The following EFCAB8 variants were observed in gnomAD, a reference collection of about 807,000 sequenced individuals.
EFCAB8 encodes the protein EF-hand calcium binding domain 8.
In EFCAB8, 100 loss-of-function variants were observed where a neutral mutation model predicts 116.3. The ratio of observed to expected loss-of-function variants is 0.86; its 90% CI spans 0.73 to 1.02. The LOEUF (loss-of-function observed/expected upper bound fraction) is 1.02, where lower values mean the gene tolerates loss of function less well. Ranked by LOEUF, EFCAB8 falls within the 50% of genes least tolerant of loss-of-function variation. The pLI is 0.00. For missense variants in EFCAB8, 1,320 were observed against 1,416.9 expected (o/e 0.93, Z 1.10); for synonymous variants, 558 against 567.9 (o/e 0.98, Z 0.25).
intron 11 of EFCAB8, among the ~76,000 whole-genome samples, chr20:32,899,922 A>G (rs573016880): frequency 2.6e-5 from 4 of 152,132 alleles, no homozygotes; most frequent in African/African-American, 7.2e-5. Flanking sequence ...TTTACTGTGG[A>G]TAAACTGGTA....
At chr20:32,863,733 G>A (rs947463630) in intron 1 of EFCAB8, 50 bp from the exon 2 acceptor site, 8 of 1,532,444 alleles carry the variant, frequency 5.2e-6, no homozygotes, top group East Asian at 2.5e-5. Context: ...AGCCTTCCAC[G>A]TGGTCCTTAC....
At chr20:32,871,935 T>A (rs1296338683) in intron 3 of EFCAB8, among the ~76,000 whole-genome samples, 1 of 152,148 alleles carries the variant, frequency 6.6e-6, no homozygotes, top group Non-Finnish European at 1.5e-5. Flanking sequence ...GCAGTTTGAC[T>A]CCCAGCTCTG....
chr20:32,929,083 A>G (rs192372183), intron 20 of EFCAB8, among the ~76,000 whole-genome samples: 32 of 151,936 alleles, frequency 2.1e-4, no homozygotes, highest in Admixed American at 1.7e-3. Context: ...GCAGTTTGCT[A>G]ATTTTTTTGA....
At chr20:32,947,903 TAA>T (rs377234035) in intron 23 of EFCAB8, among the ~76,000 whole-genome samples, 18 of 100,764 alleles carry the variant, frequency 1.8e-4, no homozygotes, top group African/African-American at 3.2e-4. Context: ...CCATCTCAAT[TAA>T]AAAAAAAAAA....
rs1273595618 is a variant in EFCAB8 at position 32,909,849 on chromosome 20, C to T, written c.1475C>T (p.Ala492Val). The T allele has an allele frequency of 1.6e-6, 2 of 1,249,766 alleles. No homozygotes were observed. Among genetic ancestry groups the T allele is most frequent in the African/African-American group, 3.1e-5 (2 of 64,476 alleles). 77.4% of individuals were successfully genotyped at this position (1,249,766 alleles called of 1,614,324 possible). ...SIGILKGYLE[A>V]QGLIKARKRT... ...GGGATCCTAAAAGGGTACTTAGAGGCCCAGGGGCTTATCAAAGCAAGGAAG... is the reference window on the plus strand; with the variant it reads ...GGGATCCTAAAAGGGTACTTAGAGGTCCAGGGGCTTATCAAAGCAAGGAAG... The change falls in exon 15 of 27, where the codon GCC becomes GTC. Residue 492 changes from alanine (A) to valine (V), a missense_variant. Coordinates refer to ENST00000400522, the MANE Select transcript of EFCAB8 (RefSeq NM_001143967.2).
intron 16 of EFCAB8, 137 bp from the exon 17 acceptor site, chr20:32,912,657 A>G (rs1170252411): frequency 1.5e-6 from 1 of 682,052 alleles, no homozygotes; most frequent in South Asian, 1.6e-5. Context: ...TGACAAATAC[A>G]TGGTGGTATC....
intron 11 of EFCAB8, among the ~76,000 whole-genome samples, chr20:32,901,737 G>A (rs1986438853): frequency 6.6e-6 from 1 of 152,266 alleles, no homozygotes; most frequent in South Asian, 2.1e-4. Context: ...GCCCAGGCTG[G>A]AGTGCGGTGG....
chr20:32,917,623 C>T lies in EFCAB8; in HGVS notation c.2061+118C>T, dbSNP rs1796842594. Reference sequence around the variant, plus strand: ...GCAGGAGGGATGATGGCGACTTGTTCTGGATGGGGTGGGGAGCTTGGTTAG... The same window carrying T: ...GCAGGAGGGATGATGGCGACTTGTTTTGGATGGGGTGGGGAGCTTGGTTAG... On this transcript the variant is annotated intron_variant, in intron 18 of 26. Coordinates refer to ENST00000400522, the MANE Select transcript of EFCAB8 (RefSeq NM_001143967.2). The T allele has an allele frequency of 3.4e-6, 4 of 1,183,536 alleles. No individual in the cohort carries two copies. In the Admixed American group the frequency reaches 9.1e-5, roughly 27 times the overall value. The allele number at this position is 1,183,536 out of a possible 1,614,324, so 73.3% of individuals were successfully genotyped here.
intron 1 of EFCAB8, among the ~76,000 whole-genome samples, chr20:32,861,884 A>T (rs1984132564): frequency 6.6e-6 from 1 of 152,056 alleles, no homozygotes. Context: ...TGCATGTGCC[A>T]ATATGCACAT....
At chr20:32,926,994 A>G (rs1023286815) in intron 20 of EFCAB8, among the ~76,000 whole-genome samples, 7 of 152,066 alleles carry the variant, frequency 4.6e-5, no homozygotes, top group Non-Finnish European at 1.0e-4. Flanking sequence ...TCTTTATAGC[A>G]GCATGATTTA....
intron 23 of EFCAB8, among the ~76,000 whole-genome samples, chr20:32,947,366 T>A (rs919791956): frequency 1.3e-5 from 2 of 152,240 alleles, no homozygotes; most frequent in African/African-American, 2.4e-5. Flanking sequence ...ACAATTTTAC[T>A]TAATTAACAT....
chr20:32,920,932 C>G (rs1351440279), intron 20 of EFCAB8, among the ~76,000 whole-genome samples: 1 of 152,132 alleles, frequency 6.6e-6, no homozygotes, highest in African/African-American at 2.4e-5. Context: ...TTATACCGAA[C>G]ACGAGTTGGG....
intron 1 of EFCAB8, among the ~76,000 whole-genome samples, chr20:32,860,322 A>C (rs563798460): frequency 9.2e-5 from 14 of 151,746 alleles, no homozygotes; most frequent in Admixed American, 5.9e-4. Flanking sequence ...GCAAAAAAAA[A>C]CCCAGTTATT....
At chr20:32,930,302 G>A in intron 20 of EFCAB8, 96 bp from the exon 21 acceptor site, 1 of 1,029,512 alleles carries the variant, frequency 9.7e-7, no homozygotes, top group Non-Finnish European at 1.4e-6. Context: ...TAGGAAACTG[G>A]GGGACCAGGT....
At chr20:32,901,421 A>G (rs1986419413) in intron 11 of EFCAB8, among the ~76,000 whole-genome samples, 1 of 152,266 alleles carries the variant, frequency 6.6e-6, no homozygotes, top group African/African-American at 2.4e-5. Flanking sequence ...TATGAGGCCC[A>G]TGGGCTGTGA....
At chr20:32,891,959 G>C (rs981391310) in intron 7 of EFCAB8, among the ~76,000 whole-genome samples, 11 of 152,074 alleles carry the variant, frequency 7.2e-5, no homozygotes, top group Non-Finnish European at 1.2e-4. Context: ...CTCCCTAAGT[G>C]CTGGGATCAT....
intron 22 of EFCAB8, among the ~76,000 whole-genome samples, chr20:32,938,485 T>C (rs1170937855): frequency 6.7e-6 from 1 of 149,834 alleles, no homozygotes; most frequent in African/African-American, 2.5e-5. Flanking sequence ...GTATCTATAT[T>C]GGGGAGGAAG....
In EFCAB8 at chr20:32,958,497, G is replaced by T. The variant is rs1420206070; in HGVS notation, c.3036G>T (p.Glu1012Asp). The T allele has an allele frequency of 4.8e-6, 2 of 416,792 alleles. No individual in the cohort carries two copies. The highest frequency in any genetic ancestry group is 4.1e-5 in the African/African-American group (2 of 48,714). 25.8% of individuals were successfully genotyped at this position (416,792 alleles called of 1,614,324 possible). ...DGPRENRASL[E>D]EDGDSTGTTQ... Reference sequence around the variant, plus strand: ...CTCGTGAAAACAGAGCAAGCTTAGAGGAAGATGGTGACTCCACTGGCACCA... The same window carrying T: ...CTCGTGAAAACAGAGCAAGCTTAGATGAAGATGGTGACTCCACTGGCACCA... The change falls in exon 24 of 27, where the codon GAG (glutamate) becomes GAT (aspartate). Residue 1012 changes from glutamate (E) to aspartate (D), a missense_variant. Physicochemically the swap from Glu to Asp is conservative, Grantham distance 45. Coordinates refer to ENST00000400522, the MANE Select transcript of EFCAB8 (RefSeq NM_001143967.2).
At chr20:32,953,710 T>C (rs1265307391) in intron 23 of EFCAB8, among the ~76,000 whole-genome samples, 2 of 152,262 alleles carry the variant, frequency 1.3e-5, no homozygotes, top group African/African-American at 4.8e-5. Context: ...GTTCTTTATA[T>C]ATTATGGATA....
Sources: allele counts gnomAD v4.1 joint callset (sites outside exome capture counted in the v4.1 genomes callset), GRCh38; gene constraint gnomAD v4.1.1; transcripts MANE v1.5; gene names NCBI Gene and HGNC (gene_info 2026-07-23, HGNC 2026-07-21).